Variants in SOHLH1 observed in about 807,000 individuals in gnomAD.
SOHLH1 encodes the protein spermatogenesis- and oogenesis-specific basic helix-loop-helix-containing protein 1.
A neutral mutation model predicts 36.2 loss-of-function variants in SOHLH1; 23 were observed. The ratio of observed to expected loss-of-function variants is 0.64; its 90% CI spans 0.46 to 0.90. SOHLH1 has a LOEUF of 0.90. SOHLH1 is among the 40% of genes least tolerant of loss of function. The pLI is 0.00. For missense variants in SOHLH1, 608 were observed against 517.0 expected (o/e 1.18, Z -1.71); for synonymous variants, 289 against 228.3 (o/e 1.27, Z -2.40).
upstream of SOHLH1, among the ~76,000 whole-genome samples, chr9:135,700,674 TGGGTGAA>T: frequency 6.6e-6 from 1 of 152,132 alleles, no homozygotes; most frequent in South Asian, 2.1e-4. Flanking sequence ...GGGCCAAAGA[TGGGTGAA>T]GGGTGTTTGG....
upstream of SOHLH1, among the ~76,000 whole-genome samples, chr9:135,701,134 A>G (rs2131302350): frequency 6.6e-6 from 1 of 152,328 alleles, no homozygotes; most frequent in East Asian, 1.9e-4. Flanking sequence ...GACCTGAGGA[A>G]AAACCCCCAA....
chr9:135,694,314 T>C (rs758014014), intron 7 of SOHLH1, 73 bp downstream of exon 7: 5 of 1,609,038 alleles, frequency 3.1e-6, no homozygotes, highest in Non-Finnish European at 3.4e-6. Context: ...ACGCTAGGCC[T>C]GAGTCCCAAT....
At chr9:135,702,051 G>T, upstream of SOHLH1, 1 of 513,782 alleles carries the variant, frequency 1.9e-6, no homozygotes, top group Non-Finnish European at 3.4e-6. Context: ...CCGCACCCCC[G>T]TCCCAGCCTG....
rs762325674 is a variant in SOHLH1, at chr9:135,699,474, G to C, written c.-7C>G. On this transcript the variant is annotated 5_prime_UTR_variant, in exon 1 of 8. Transcript: ENST00000425225. Reference sequence around the variant, plus strand: ...CGGAGCACCGGGACGCCATGAACTCGCAGCTGCGGAGCGACCCCACGCGCA... The same window carrying C: ...CGGAGCACCGGGACGCCATGAACTCCCAGCTGCGGAGCGACCCCACGCGCA... 3 of 1,611,708 alleles carry C rather than the reference G, an allele frequency of 1.9e-6. No individual in the cohort carries two copies. Among genetic ancestry groups the C allele is most frequent in the Admixed American group, 3.3e-5 (2 of 59,922 alleles).
intron 2 of SOHLH1, 103 bp from the exon 3 acceptor site, chr9:135,698,579 G>A: frequency 2.0e-6 from 3 of 1,517,462 alleles, no homozygotes; most frequent in East Asian, 2.3e-5. Flanking sequence ...CGCTTGTCAG[G>A]CAGAGGGGGC....
At chr9:135,697,107 C>T (rs34690034) in intron 4 of SOHLH1, among the ~76,000 whole-genome samples, 7,647 of 152,316 alleles carry the variant, frequency 0.05, 358 homozygotes, top group Non-Finnish European at 0.07. Flanking sequence ...GCAGACAGTC[C>T]TTCAACCTGG....
upstream of SOHLH1, among the ~76,000 whole-genome samples, chr9:135,700,291 C>T (rs989792569): frequency 6.6e-6 from 1 of 152,196 alleles, no homozygotes; most frequent in Non-Finnish European, 1.5e-5. Context: ...GGTGTTTGCT[C>T]ACCTCCCCGC....
rs749236630 is a variant in SOHLH1, at chr9:135,696,630, C to G, written c.643G>C (p.Gly215Arg). The change falls in exon 5 of 8, where the codon GGG becomes CGG. Residue 215 changes from glycine to arginine, a missense_variant. Transcript: ENST00000425225. ...GACTCACCTGAGAAAGGGGGCAGCC[C>G]ACCCCGCACCTGGCACAGCCCCAAC... ...ALLGLCQVRGGLPPFSEPSSL... is the reference protein window; with the variant it reads ...ALLGLCQVRGRLPPFSEPSSL... The G allele has an allele frequency of 6.2e-7, 1 of 1,612,522 alleles. No individual in the cohort carries two copies. Among genetic ancestry groups the G allele is most frequent in the Non-Finnish European group, 8.5e-7 (1 of 1,179,740 alleles).
At chr9:135,694,714 C>T (rs1052865697) in intron 6 of SOHLH1, among the ~76,000 whole-genome samples, 8 of 152,158 alleles carry the variant, frequency 5.3e-5, no homozygotes, top group African/African-American at 1.9e-4. Context: ...CAGTCTCGCT[C>T]TTCTCGTCCC....
In SOHLH1 at chr9:135,693,784, G is replaced by A. The variant is rs1240702793; in HGVS notation, c.977C>T (p.Pro326Leu). ...ACTGCTCTCAGCTGGGGCCCATGCA[G>A]GGCCACTGCCTCCTCGACCCTCCAG... The part of the protein sequence containing the change: ...GSLEGRGGSG[P>L]AWAPAESSPL... Residue 326 changes from proline to leucine, a missense_variant, in exon 8 of 8, where the codon CCT (proline) becomes CTT (leucine). Transcript: ENST00000425225. 6 of 1,580,388 alleles carry A rather than the reference G, an allele frequency of 3.8e-6. No individual in the cohort carries two copies. The highest frequency in any genetic ancestry group is 4.7e-5 in the East Asian group (2 of 42,678).
In SOHLH1 at chr9:135,693,546, C is replaced by T; in HGVS notation, c.*51G>A. On this transcript the variant is annotated 3_prime_UTR_variant, in exon 8 of 8. Transcript: ENST00000425225. ...TGCCCAAGCACGCGACAGGGACACA[C>T]ACGGCTCCAGATCCACCGGCCCCGC... is the stretch of plus-strand genomic sequence containing the variant. 1 of 1,516,264 alleles carries T rather than the reference C, an allele frequency of 6.6e-7. No homozygotes were observed. The highest frequency in any genetic ancestry group is 8.9e-7 in the Non-Finnish European group (1 of 1,124,024). 93.9% of individuals were successfully genotyped at this position (1,516,264 alleles called of 1,614,324 possible).
In SOHLH1 at chr9:135,696,632, C is replaced by T. The variant is rs367682690; in HGVS notation, c.641G>A (p.Gly214Asp). The T allele has an allele frequency of 2.2e-5, 35 of 1,612,440 alleles. No individual in the cohort carries two copies. The highest frequency in any genetic ancestry group is 2.5e-5 in the Non-Finnish European group (30 of 1,179,746). ...EALLGLCQVR[G>D]GLPPFSEPSS... is the part of the protein sequence containing the mutation. Reference sequence around the variant, plus strand: ...CTCACCTGAGAAAGGGGGCAGCCCACCCCGCACCTGGCACAGCCCCAACAG... The same window carrying T: ...CTCACCTGAGAAAGGGGGCAGCCCATCCCGCACCTGGCACAGCCCCAACAG... Residue 214 changes from glycine to aspartate, a missense_variant, in exon 5 of 8, where the codon GGT (glycine) becomes GAT (aspartate). Physicochemically the swap from Gly to Asp is moderately conservative, Grantham distance 94. Coordinates refer to ENST00000425225, the MANE Select transcript of SOHLH1 (RefSeq NM_001101677.2).
rs1834825347 is a variant in SOHLH1 at position 135,696,881 on chromosome 9, A to T, written c.468-76T>A. ...GAAGGCTGCCCCCACCCACCCCAAG[A>T]GCAGAGGGCTGGACCCATCCCCAGG... On this transcript the variant is annotated intron_variant, in intron 4 of 7. Coordinates refer to ENST00000425225, the MANE Select transcript of SOHLH1 (RefSeq NM_001101677.2). 2.7e-6 allele frequency: 4 copies of T among 1,501,928 alleles called. No individual in the cohort carries two copies. The Admixed American group carries it at 5.7e-5, about 21-fold the overall frequency. The allele number at this position is 1,501,928 out of a possible 1,614,324, so 93.0% of individuals were successfully genotyped here.
rs1037560408 is a variant in SOHLH1 at position 135,698,996 on chromosome 9, T to G, written c.196A>C (p.Arg66=). ...CCCCTGGGAGGCACCACCACTCACC[T>G]GCGCTCCCTCTCGCTGATCACGTTC... ...RRNVISERER[R]KRMSLSCERL... Residue 66 remains arginine (R), a splice_region_variant and synonymous_variant, in exon 2 of 8, where the codon AGG becomes CGG. Transcript: ENST00000425225. 6.2e-7 allele frequency: 1 copy of G among 1,611,376 alleles called. No individual in the cohort carries two copies. Among genetic ancestry groups the G allele is most frequent in the Non-Finnish European group, 8.5e-7 (1 of 1,179,706 alleles).
chr9:135,699,177 C>A (rs759073652), intron 1 of SOHLH1, 51 bp from the exon 2 acceptor site: 2 of 1,551,628 alleles, frequency 1.3e-6, no homozygotes, highest in Non-Finnish European at 1.7e-6. Flanking sequence ...GAAAAGGCCA[C>A]CAGGAGTCCC....
chr9:135,694,624 G>A (rs1834717732), intron 6 of SOHLH1, among the ~76,000 whole-genome samples, 167 bp from the exon 7 acceptor site: 1 of 152,168 alleles, frequency 6.6e-6, no homozygotes, highest in South Asian at 2.1e-4. Flanking sequence ...AGAGGCCACA[G>A]CCGCTGAGGA....
At chr9:135,700,710 A>C (rs1321701874), upstream of SOHLH1, among the ~76,000 whole-genome samples, 14 of 152,148 alleles carry the variant, frequency 9.2e-5, no homozygotes, top group African/African-American at 3.4e-4. Context: ...GAGGTTATGT[A>C]ATATAAGGTG....
Position 135,695,031 on chromosome 9 carries a change from ACAC to A in SOHLH1, c.875+16_875+18del. 2 of 1,579,396 alleles carry A rather than the reference ACAC, an allele frequency of 1.3e-6. No homozygotes were observed. The highest frequency in any genetic ancestry group is 2.3e-5 in the East Asian group (1 of 42,772). ...CTCGCTCACGCACACACAGGCGTGCACACCACCTGGGCACTCACCCGGCCTCCT... is the reference window on the plus strand; with the variant it reads ...CTCGCTCACGCACACACAGGCGTGCACACCTGGGCACTCACCCGGCCTCCT... On this transcript the variant is annotated intron_variant, in intron 6 of 7. Coordinates refer to ENST00000425225, the MANE Select transcript of SOHLH1 (RefSeq NM_001101677.2).
At chr9:135,701,712 G>C (rs1393139021), upstream of SOHLH1, among the ~76,000 whole-genome samples, 3 of 152,212 alleles carry the variant, frequency 2.0e-5, no homozygotes, top group Admixed American at 2.0e-4. Flanking sequence ...AGCCTGCGGG[G>C]GGTGTGGGGG....
Sources: allele counts gnomAD v4.1 joint callset (sites outside exome capture counted in the v4.1 genomes callset), GRCh38; gene constraint gnomAD v4.1.1; transcripts MANE v1.5; gene names NCBI Gene and HGNC (gene_info 2026-07-23, HGNC 2026-07-21).